GLYATL1: variants seen among roughly 807,000 people sequenced by gnomAD.
GLYATL1 encodes the protein glycine N-acyltransferase-like protein 1.
Under a neutral mutation model 20.0 loss-of-function variants are expected in GLYATL1, and 15 were observed. The observed-to-expected ratio is 0.75, with a 90% confidence interval of 0.50 to 1.15. The LOEUF (loss-of-function observed/expected upper bound fraction) is 1.15. Ranked by LOEUF, GLYATL1 falls within the 50% of genes most tolerant of loss-of-function variation. The pLI is 0.00. For synonymous variants in GLYATL1, 151 were observed against 131.5 expected (o/e 1.15, Z -1.01); for missense variants, 380 against 368.5 (o/e 1.03, Z -0.26).
At chr11:58,923,636 G>A (rs1041102857), upstream of GLYATL1, among the ~76,000 whole-genome samples, 1 of 152,074 alleles carries the variant, frequency 6.6e-6, no homozygotes, top group African/African-American at 2.4e-5. Flanking sequence ...ATCATCCTTA[G>A]GTTCCCTGCC....
upstream of GLYATL1, among the ~76,000 whole-genome samples, chr11:58,937,832 G>A (rs1855903095): frequency 6.6e-6 from 1 of 152,134 alleles, no homozygotes; most frequent in Non-Finnish European, 1.5e-5. Flanking sequence ...GGTTAAAGAA[G>A]GACATTGATA....
intron 1 of GLYATL1, among the ~76,000 whole-genome samples, chr11:58,941,625 CT>C (rs990589070): frequency 2.0e-5 from 3 of 152,114 alleles, no homozygotes; most frequent in Admixed American, 2.0e-4. Flanking sequence ...GAGCAGGTGG[CT>C]TTTAGGTGAA....
intron 1 of GLYATL1, among the ~76,000 whole-genome samples, chr11:58,942,088 T>G (rs1856201048): frequency 6.6e-6 from 1 of 152,210 alleles, no homozygotes; most frequent in African/African-American, 2.4e-5. Flanking sequence ...ATGATTTTTG[T>G]GTTTGTGTCA....
rs1565138873 is a variant in GLYATL1, at chr11:58,956,261, A to G, written c.*234A>G. On this transcript the variant is annotated 3_prime_UTR_variant, in exon 7 of 7. Coordinates refer to ENST00000532726, the MANE Select transcript of GLYATL1 (RefSeq NM_001389712.2). ...AAATATGCTTAAGTGTTATAGGGAAAGACGGGGTTACCAGTAAACATGTAA... is the reference window on the plus strand; with the variant it reads ...AAATATGCTTAAGTGTTATAGGGAAGGACGGGGTTACCAGTAAACATGTAA... 6.1e-6 allele frequency: 3 copies of G among 494,464 alleles called. No individual in the cohort carries two copies. The highest frequency in any genetic ancestry group is 3.8e-5 in the South Asian group (1 of 26,050). 30.6% of individuals were successfully genotyped at this position (494,464 alleles called of 1,614,324 possible).
chr11:58,923,177 G>A (rs1056630099), upstream of GLYATL1, among the ~76,000 whole-genome samples: 6 of 152,140 alleles, frequency 3.9e-5, no homozygotes, highest in Admixed American at 3.9e-4. Flanking sequence ...TCAATCCCCA[G>A]GATTTTTACC....
At chr11:58,906,834 C>T (rs1370029448) in intron 1 of GLYATL1, among the ~76,000 whole-genome samples, 1 of 152,154 alleles carries the variant, frequency 6.6e-6, no homozygotes, top group Non-Finnish European at 1.5e-5. Context: ...TCTGTGGCCA[C>T]ATAGACGGTT....
rs1335219306 is a variant in GLYATL1 at position 58,955,666 on chromosome 11, A to T, written c.548A>T (p.Asn183Ile). ...QLDVSYSGLV[N>I]DNWKRGKNER... ...GATGTCTCTTATTCTGGGCTGGTAA[A>T]TGACAACTGGAAGCGAGGGAAGAAT... The change falls in exon 7 of 7, where the codon AAT (asparagine) becomes ATT (isoleucine). Residue 183 changes from asparagine (N) to isoleucine (I), a missense_variant. Asn to Ile is a moderately radical substitution (Grantham distance 149). Transcript: ENST00000532726. 2 of 1,614,204 alleles carry T rather than the reference A, an allele frequency of 1.2e-6. No homozygotes were observed. Among genetic ancestry groups the T allele is most frequent in the Non-Finnish European group, 1.7e-6 (2 of 1,180,030 alleles).
chr11:58,914,221 C>A (rs765246798), intron 1 of GLYATL1, among the ~76,000 whole-genome samples: 9 of 152,220 alleles, frequency 5.9e-5, no homozygotes, highest in Non-Finnish European at 1.3e-4. Flanking sequence ...GTCCCACCCT[C>A]TCATCCAATT....
At chr11:58,940,059 A>G (rs1393313730) in intron 1 of GLYATL1, among the ~76,000 whole-genome samples, 1 of 152,136 alleles carries the variant, frequency 6.6e-6, no homozygotes, top group Admixed American at 6.5e-5. Context: ...GAATTTAATA[A>G]ACTGACACTC....
At position 58,955,309 on chromosome 11, in the gene GLYATL1, T is replaced by G. The variant is rs1286002425; in HGVS notation, c.447T>G (p.Leu149=). The G allele has an allele frequency of 1.2e-6, 2 of 1,614,166 alleles. No homozygotes were observed. The highest frequency in any genetic ancestry group is 1.7e-6 in the Non-Finnish European group (2 of 1,180,002). ...LKLNASSKSK[L]GSWAETGHPD... Reference sequence around the variant, plus strand: ...TCAATGCCTCCAGTAAAAGCAAGCTTGGAAGCTGGGCTGAGACAGGCCACC... The same window carrying G: ...TCAATGCCTCCAGTAAAAGCAAGCTGGGAAGCTGGGCTGAGACAGGCCACC... Residue 149 remains leucine, a synonymous_variant, in exon 6 of 7, where the codon CTT becomes CTG. Transcript: ENST00000532726.
chr11:58,919,740 C>T (rs7946855), intron 1 of GLYATL1, among the ~76,000 whole-genome samples: 6,261 of 152,192 alleles, frequency 0.041, 406 homozygotes, highest in African/African-American at 0.14. Context: ...CTTGAATTCC[C>T]GGGGTTCGGG....
rs187187090 is a variant in GLYATL1 at position 58,913,663 on chromosome 11, G to A, written n.264+8002G>A. ...AGGGAAAAATAAATTGTGTGTGTGT[G>A]CATGCACATATGTGTGTCTGTTTTG... On this transcript the variant is annotated intron_variant and non_coding_transcript_variant, in intron 1 of 2. Transcript: ENST00000534674. Among the ~76,000 whole-genome samples, 3 of 152,314 alleles carry A rather than the reference G, an allele frequency of 2.0e-5. No individual in the cohort carries two copies. The East Asian group carries it at 5.8e-4, about 29-fold the overall frequency.
At chr11:58,937,564 G>A (rs1217823554), upstream of GLYATL1, among the ~76,000 whole-genome samples, 3 of 152,156 alleles carry the variant, frequency 2.0e-5, no homozygotes, top group Admixed American at 6.5e-5. Flanking sequence ...AAGTAACTTT[G>A]AATTTATTAT....
chr11:58,942,355 C>T (rs1409521116), intron 1 of GLYATL1, among the ~76,000 whole-genome samples: 2 of 152,190 alleles, frequency 1.3e-5, no homozygotes, highest in African/African-American at 4.8e-5. Context: ...TCTTTAGAAA[C>T]ATCCTTGAAA....
At chr11:58,929,788 C>A (rs181403329) in intron 1 of GLYATL1, among the ~76,000 whole-genome samples, 1 of 152,206 alleles carries the variant, frequency 6.6e-6, no homozygotes, top group African/African-American at 2.4e-5. Context: ...TCCTGCCCTT[C>A]GAAAGCTAAA....
At chr11:58,950,965 A>G (rs1856949529) in intron 4 of GLYATL1, among the ~76,000 whole-genome samples, 1 of 152,284 alleles carries the variant, frequency 6.6e-6, no homozygotes, top group South Asian at 2.1e-4. Flanking sequence ...AAAAAGGTGT[A>G]TGCTACAAAT....
At chr11:58,952,599 A>C (rs1316367240) in intron 4 of GLYATL1, among the ~76,000 whole-genome samples, 1 of 152,158 alleles carries the variant, frequency 6.6e-6, no homozygotes, top group African/African-American at 2.4e-5. Context: ...ACATGTGCAG[A>C]TTTGTTACAT....
chr11:58,944,355 A>G (rs1856414252), intron 2 of GLYATL1, among the ~76,000 whole-genome samples: 2 of 152,190 alleles, frequency 1.3e-5, no homozygotes, highest in Non-Finnish European at 2.9e-5. Flanking sequence ...GCATGTACAG[A>G]ATTGTGGTGA....
At chr11:58,917,822 T>C (rs1855211620) in intron 1 of GLYATL1, among the ~76,000 whole-genome samples, 1 of 152,232 alleles carries the variant, frequency 6.6e-6, no homozygotes. Context: ...ATGCTGGAAG[T>C]CTCCAGAGCA....
Sources: gnomAD v4.1 joint callset for allele counts (sites outside exome capture counted in the v4.1 genomes callset) on GRCh38, gnomAD v4.1.1 for gene constraint, MANE v1.5 for transcripts, NCBI Gene and HGNC (gene_info 2026-07-23, HGNC 2026-07-21) for gene names.